SRP68: variants seen among roughly 807,000 people sequenced by gnomAD.
The protein encoded by SRP68 is signal recognition particle 68, also known as signal recognition particle subunit SRP68.
In SRP68, 15 loss-of-function variants were observed where a neutral mutation model predicts 82.2. That is an observed-to-expected ratio of 0.18 (90% CI 0.12 to 0.28). SRP68 has a LOEUF of 0.28. SRP68 is among the 10% of genes least tolerant of loss of function. SRP68 has a pLI of 1.00. For synonymous variants in SRP68, 261 were observed against 292.6 expected (o/e 0.89, Z 1.10); for missense variants, 595 against 780.5 (o/e 0.76, Z 2.83).
At chr17:76,060,961 T>G in intron 6 of SRP68, 149 bp downstream of exon 6, 1 of 661,294 alleles carries the variant, frequency 1.5e-6, no homozygotes, top group Non-Finnish European at 2.7e-6. Flanking sequence ...TCAACAGTTC[T>G]GCTTTTGCCA....
intron 7 of SRP68, 44 bp from the exon 8 acceptor site, chr17:76,057,587 G>T: frequency 6.2e-7 from 1 of 1,603,856 alleles, no homozygotes. Context: ...CTGGGGATAT[G>T]AGTGATGGAG....
At chr17:76,067,361 G>C (rs1047411191) in intron 2 of SRP68, 31 bp from the exon 3 acceptor site, 25 of 1,489,012 alleles carry the variant, frequency 1.7e-5, no homozygotes, top group Non-Finnish European at 2.3e-5. Context: ...AACTCACTCA[G>C]CCAAGCTGAG....
chr17:76,058,901 T>G (rs1453524719), intron 7 of SRP68, among the ~76,000 whole-genome samples: 1 of 152,190 alleles, frequency 6.6e-6, no homozygotes, highest in East Asian at 1.9e-4. Context: ...TAAAACAGAC[T>G]TCTATGCAAC....
At chr17:76,061,288 C>G in intron 5 of SRP68, 69 bp from the exon 6 acceptor site, 3 of 1,161,652 alleles carry the variant, frequency 2.6e-6, no homozygotes, top group Non-Finnish European at 3.8e-6. Context: ...AACACAGTGA[C>G]TAAAAACAAA....
chr17:76,040,005 G>A (rs1232304841), intron 15 of SRP68, 72 bp from the exon 16 acceptor site: 27 of 1,468,148 alleles, frequency 1.8e-5, no homozygotes, highest in Middle Eastern at 1.8e-4. Context: ...CCTGAGTGCC[G>A]ACTGCCTGGT....
intron 6 of SRP68, 56 bp from the exon 7 acceptor site, chr17:76,060,446 A>C (rs1339014605): frequency 1.6e-6 from 2 of 1,270,150 alleles, no homozygotes; most frequent in Non-Finnish European, 2.3e-6. Context: ...CTTGAGAATC[A>C]CTAGATTCAA....
rs1162126206 is a variant in SRP68, at chr17:76,059,482, C to T, written c.837+826G>A. On this transcript the variant is annotated intron_variant, in intron 7 of 15. Coordinates refer to ENST00000307877, the MANE Select transcript of SRP68 (RefSeq NM_014230.4). ...GCTTGAACCTGGGAGGTGGAGGTTG[C>T]AGTGAGCCAAGATTGCACCATTGCA... is the stretch of plus-strand genomic sequence containing the variant. Among the ~76,000 whole-genome samples the T allele has an allele frequency of 2.6e-5, 4 of 152,126 alleles. No individual in the cohort carries two copies. In the Middle Eastern group the frequency reaches 0.01, roughly 388 times the overall value.
At chr17:76,056,365 T>C (rs2066713781) in intron 8 of SRP68, among the ~76,000 whole-genome samples, 1 of 152,154 alleles carries the variant, frequency 6.6e-6, no homozygotes, top group Admixed American at 6.6e-5. Flanking sequence ...ATAATCTGAA[T>C]AGTTGCTACC....
chr17:76,065,275 T>G, intron 3 of SRP68, among the ~76,000 whole-genome samples: 1 of 151,394 alleles, frequency 6.6e-6, no homozygotes, highest in East Asian at 1.9e-4. Context: ...CACAGCGAGA[T>G]CCCATCTTTA....
At chr17:76,065,437 C>CAA (rs11338515) in intron 3 of SRP68, among the ~76,000 whole-genome samples, 26 of 78,890 alleles carry the variant, frequency 3.3e-4, no homozygotes, top group South Asian at 9.7e-4. Context: ...GACCCTGTCT[C>CAA]AAAAAAAAAA....
intron 8 of SRP68, among the ~76,000 whole-genome samples, chr17:76,057,155 C>T (rs915586735): frequency 6.6e-5 from 10 of 152,184 alleles, no homozygotes; most frequent in Non-Finnish European, 1.5e-4. Context: ...CCTCTAATGC[C>T]TCCCATTTTT....
At chr17:76,062,978 G>A (rs577186294) in intron 4 of SRP68, among the ~76,000 whole-genome samples, 96 of 150,658 alleles carry the variant, frequency 6.4e-4, no homozygotes, top group South Asian at 1.0e-3. Context: ...CACCGTGTTA[G>A]CCAGGATGGT....
rs1243218668 is a variant in SRP68 at position 76,062,742 on chromosome 17, T to TATATATATATAAA, written c.562-1169_562-1168insTTTATATATATAT. Reference sequence around the variant, plus strand: ...ATTATATTTATTTTATATATATATATATATATATATATATATATATATAAA... The same window carrying TATATATATATAAA: ...ATTATATTTATTTTATATATATATATATATATATATAAAATATATATATATATATATATATAAA... On this transcript the variant is annotated intron_variant, in intron 4 of 15. Coordinates refer to ENST00000307877, the MANE Select transcript of SRP68 (RefSeq NM_014230.4). Among the ~76,000 whole-genome samples, 9 of 28,208 alleles carry TATATATATATAAA rather than the reference T, an allele frequency of 3.2e-4. 1 individual carries two copies. Among genetic ancestry groups the TATATATATATAAA allele is most frequent in the Non-Finnish European group, 4.6e-4 (8 of 17,436 alleles). The allele number at this position is 28,208 out of a possible 152,430, so 18.5% of individuals were successfully genotyped here. A position where few individuals can be genotyped will look rare whatever the true frequency, so the allele number is the denominator to read the frequency against.
At chr17:76,057,281 C>A in intron 8 of SRP68, 122 bp downstream of exon 8, 1 of 1,207,056 alleles carries the variant, frequency 8.3e-7, no homozygotes, top group Non-Finnish European at 1.2e-6. Context: ...CTTACCAAAT[C>A]CAAAACAGCA....
intron 15 of SRP68, 71 bp from the exon 16 acceptor site, chr17:76,040,004 C>T (rs1755214204): frequency 2.7e-6 from 4 of 1,479,346 alleles, no homozygotes; most frequent in Admixed American, 3.8e-5. Context: ...TCCTGAGTGC[C>T]GACTGCCTGG....
At chr17:76,064,483 C>T (rs932605179) in intron 3 of SRP68, among the ~76,000 whole-genome samples, 6 of 152,180 alleles carry the variant, frequency 3.9e-5, no homozygotes, top group African/African-American at 9.7e-5. Context: ...TCTAGGCACA[C>T]GATCTGGCCT....
At chr17:76,070,333 G>T (rs752222201) in intron 2 of SRP68, 45 bp downstream of exon 2, 2 of 1,513,300 alleles carry the variant, frequency 1.3e-6, no homozygotes, top group East Asian at 2.3e-5. Context: ...CAAAAGCAAA[G>T]CAAGTCCCAC....
intron 8 of SRP68, 41 bp from the exon 9 acceptor site, chr17:76,050,567 C>T: frequency 2.6e-6 from 4 of 1,520,940 alleles, no homozygotes; most frequent in Non-Finnish European, 3.6e-6. Flanking sequence ...TTCCTTTGAG[C>T]AAACCATAGT....
At chr17:76,060,506 GC>G in intron 6 of SRP68, 116 bp from the exon 7 acceptor site, 1 of 681,082 alleles carries the variant, frequency 1.5e-6, no homozygotes, top group Non-Finnish European at 2.6e-6. Flanking sequence ...CAATGAATCT[GC>G]AGCACAATCT....
Sources: allele counts gnomAD v4.1 joint callset (sites outside exome capture counted in the v4.1 genomes callset), GRCh38; gene constraint gnomAD v4.1.1; transcripts MANE v1.5; gene names NCBI Gene and HGNC (gene_info 2026-07-23, HGNC 2026-07-21).